The following TNIP3 variants were observed in gnomAD, a reference collection of about 807,000 sequenced individuals.
TNIP3 encodes TNFAIP3 interacting protein 3.
In TNIP3, 34 loss-of-function variants were observed where a neutral mutation model predicts 54.1. The ratio of observed to expected loss-of-function variants is 0.63; its 90% CI spans 0.48 to 0.84. TNIP3 has a LOEUF of 0.84. TNIP3 is among the 40% of genes least tolerant of loss of function. The pLI is 0.00. For missense variants in TNIP3, 366 were observed against 387.6 expected, an observed-to-expected ratio of 0.94 and a Z score of 0.47; for synonymous variants, 134 against 136.8, an observed-to-expected ratio of 0.98 and a Z score of 0.14.
At chr4:121,184,283 T>C (rs1724883840) in intron 2 of TNIP3, among the ~76,000 whole-genome samples, 1 of 152,224 alleles carries the variant, frequency 6.6e-6, no homozygotes, top group Admixed American at 6.5e-5. Context: ...ATGAATGGCC[T>C]AATCAAATGC....
chr4:121,137,396 A>G (rs1430501073), intron 10 of TNIP3: 2 of 152,184 alleles, frequency 1.3e-5, no homozygotes, highest in African/African-American at 2.4e-5. Flanking sequence ...CTTCATTAAA[A>G]CCACTGGCTA....
intron 2 of TNIP3, among the ~76,000 whole-genome samples, chr4:121,194,775 G>C (rs955948342): frequency 1.3e-5 from 2 of 151,982 alleles, no homozygotes; most frequent in Admixed American, 1.3e-4. Flanking sequence ...AAACAAATAG[G>C]CTCTGTTGGA....
At position 121,138,698 on chromosome 4, in the gene TNIP3, TACA is replaced by T; in HGVS notation, c.886-17_886-15del. The stretch of plus-strand genomic sequence containing the variant: ...CTGATAGTCTGGCTGTGTGGAACAA[TACA>T]ACATTATTATAGCAATATGGACTTC... On this transcript the variant is annotated splice_polypyrimidine_tract_variant and intron_variant, in intron 9 of 10. Transcript: ENST00000057513. 6.2e-7 allele frequency: 1 copy of T among 1,611,304 alleles called. No homozygotes were observed. Among genetic ancestry groups the T allele is most frequent in the Non-Finnish European group, 8.5e-7 (1 of 1,177,526 alleles).
At chr4:121,189,191 G>C (rs1270686137) in intron 2 of TNIP3, among the ~76,000 whole-genome samples, 2 of 152,122 alleles carry the variant, frequency 1.3e-5, no homozygotes, top group Admixed American at 1.3e-4. Flanking sequence ...GGATGTTAGT[G>C]TTCTTTCTTC....
chr4:121,165,641 G>A (rs746118435), upstream of TNIP3, among the ~76,000 whole-genome samples: 17 of 149,230 alleles, frequency 1.1e-4, no homozygotes, highest in Non-Finnish European at 2.2e-4. Context: ...TTACAAAATC[G>A]ATGAACTTTT....
At chr4:121,133,245 C>T (rs1404298825) in intron 10 of TNIP3, among the ~76,000 whole-genome samples, 2 of 152,110 alleles carry the variant, frequency 1.3e-5, no homozygotes, top group Non-Finnish European at 1.5e-5. Flanking sequence ...TGCCAAGAAA[C>T]AAAGAGTTAT....
intron 2 of TNIP3, among the ~76,000 whole-genome samples, chr4:121,208,462 T>A (rs1310498669): frequency 6.6e-6 from 1 of 152,204 alleles, no homozygotes; most frequent in Non-Finnish European, 1.5e-5. Flanking sequence ...CAAATCTGTA[T>A]GATTTCATCT....
intron 9 of TNIP3, among the ~76,000 whole-genome samples, chr4:121,139,675 G>A (rs1246979261): frequency 6.6e-6 from 1 of 152,182 alleles, no homozygotes; most frequent in Non-Finnish European, 1.5e-5. Context: ...ACTGAGAAAT[G>A]CTGCTTTTAG....
intron 2 of TNIP3, among the ~76,000 whole-genome samples, chr4:121,159,182 G>T (rs576086440): frequency 2.6e-5 from 4 of 152,260 alleles, no homozygotes; most frequent in Admixed American, 2.6e-4. Flanking sequence ...GGTGGAGGTT[G>T]CAGTGAGCCG....
At chr4:121,162,428 C>T (rs971713631) in intron 1 of TNIP3, among the ~76,000 whole-genome samples, 1 of 152,162 alleles carries the variant, frequency 6.6e-6, no homozygotes, top group Non-Finnish European at 1.5e-5. Flanking sequence ...TGCTCTTGAC[C>T]TCAAGAAGGT....
At position 121,157,081 on chromosome 4, in the gene TNIP3, G is replaced by A. The variant is rs771563081; in HGVS notation, c.363+13C>T. The A allele has an allele frequency of 6.2e-7, 1 of 1,612,854 alleles. No homozygotes were observed. Among genetic ancestry groups the A allele is most frequent in the Non-Finnish European group, 8.5e-7 (1 of 1,179,742 alleles). On this transcript the variant is annotated intron_variant, in intron 4 of 10. Transcript: ENST00000057513. Reference sequence around the variant, plus strand: ...TTGGATCCTCCGGGCTCGAGGACCCGGGCCCCGCCCACCTCCTCCCGCTGC... The same window carrying A: ...TTGGATCCTCCGGGCTCGAGGACCCAGGCCCCGCCCACCTCCTCCCGCTGC...
chr4:121,178,448 G>A (rs1724487240), intron 3 of TNIP3, among the ~76,000 whole-genome samples: 1 of 152,216 alleles, frequency 6.6e-6, no homozygotes, highest in Admixed American at 6.5e-5. Context: ...TCAGTCGCAA[G>A]AGCAATAGTG....
At chr4:121,181,025 A>G (rs1185205303) in intron 3 of TNIP3, among the ~76,000 whole-genome samples, 1 of 152,194 alleles carries the variant, frequency 6.6e-6, no homozygotes, top group Non-Finnish European at 1.5e-5. Flanking sequence ...TTCCTCAATG[A>G]GGTCGTAGGA....
intron 2 of TNIP3, among the ~76,000 whole-genome samples, chr4:121,192,091 T>A (rs1012005373): frequency 6.6e-6 from 1 of 152,208 alleles, no homozygotes; most frequent in African/African-American, 2.4e-5. Flanking sequence ...TTTTCACATC[T>A]ATATTGGAAT....
intron 3 of TNIP3, among the ~76,000 whole-genome samples, chr4:121,170,508 A>G (rs2148820850): frequency 6.6e-6 from 1 of 152,308 alleles, no homozygotes; most frequent in Non-Finnish European, 1.5e-5. Context: ...TATTCATTTT[A>G]TAGGCAAATA....
At chr4:121,225,359 T>C (rs6845524) in intron 1 of TNIP3, among the ~76,000 whole-genome samples, 88,261 of 152,138 alleles carry the variant, frequency 0.58, 26,100 homozygotes, top group South Asian at 0.75. Context: ...TTAATCTTGG[T>C]CATGTTTTCA....
intron 2 of TNIP3, among the ~76,000 whole-genome samples, chr4:121,195,443 G>C (rs1275963376): frequency 2.6e-5 from 4 of 152,112 alleles, no homozygotes; most frequent in African/African-American, 9.7e-5. Context: ...AAGTATTATG[G>C]ACCTTGTTTA....
chr4:121,218,974 T>C (rs1411728070), upstream of TNIP3, among the ~76,000 whole-genome samples: 1 of 152,106 alleles, frequency 6.6e-6, no homozygotes, highest in Admixed American at 6.5e-5. Flanking sequence ...CCGAGGCAGG[T>C]GGATCACCTG....
intron 10 of TNIP3, chr4:121,136,613 G>C (rs1728799761): frequency 6.6e-6 from 1 of 152,100 alleles, no homozygotes; most frequent in Admixed American, 6.6e-5. Context: ...GGGAGCCAGA[G>C]GCAGGAGGAT....
Sources: allele counts gnomAD v4.1 joint callset (sites outside exome capture counted in the v4.1 genomes callset), GRCh38; gene constraint gnomAD v4.1.1; transcripts MANE v1.5; gene names NCBI Gene and HGNC (gene_info 2026-07-23, HGNC 2026-07-21).